KAZN: variants seen among roughly 807,000 people sequenced by gnomAD.
KAZN encodes the protein kazrin, periplakin interacting protein, also known as kazrin.
Under a neutral mutation model 87.4 loss-of-function variants are expected in KAZN, and 40 were observed. The ratio of observed to expected loss-of-function variants is 0.46; its 90% CI spans 0.36 to 0.60. KAZN has a LOEUF of 0.60. Among genes scored for constraint, KAZN ranks in the 20% least tolerant of loss-of-function variants. The pLI, the probability that KAZN is intolerant of heterozygous loss-of-function variation, is 0.00. For synonymous variants in KAZN, 466 were observed against 458.3 expected (o/e 1.02, Z -0.22); for missense variants, 898 against 1,073.9 (o/e 0.84, Z 2.29).
At chr1:14,377,753 G>A (rs1661031139) in intron 2 of KAZN, among the ~76,000 whole-genome samples, 1 of 152,178 alleles carries the variant, frequency 6.6e-6, no homozygotes, top group Admixed American at 6.5e-5. Flanking sequence ...ATATAGTGAT[G>A]ACCTACCTTG....
intron 2 of KAZN, among the ~76,000 whole-genome samples, chr1:14,377,766 T>C (rs1661032720): frequency 6.6e-6 from 1 of 152,222 alleles, no homozygotes; most frequent in Non-Finnish European, 1.5e-5. Context: ...CTACCTTGTT[T>C]GGTTCAAGTC....
chr1:14,241,267 A>G (rs531466326), intron 2 of KAZN, among the ~76,000 whole-genome samples: 1 of 152,348 alleles, frequency 6.6e-6, no homozygotes, highest in Non-Finnish European at 1.5e-5. Flanking sequence ...ACTAGAACCC[A>G]GGACTCTGGA....
At chr1:13,910,706 A>G in intron 1 of KAZN, among the ~76,000 whole-genome samples, 1 of 152,034 alleles carries the variant, frequency 6.6e-6, no homozygotes, top group East Asian at 1.9e-4. Flanking sequence ...TAAATTACCC[A>G]TTCCCAGGTT....
intron 2 of KAZN, among the ~76,000 whole-genome samples, chr1:14,587,060 G>A (rs1675895667): frequency 6.6e-6 from 1 of 152,198 alleles, no homozygotes. Context: ...CCCTGAAGCA[G>A]AAGATTAATA....
At chr1:14,148,255 T>G (rs1645396193) in intron 1 of KAZN, among the ~76,000 whole-genome samples, 1 of 151,958 alleles carries the variant, frequency 6.6e-6, no homozygotes, top group Non-Finnish European at 1.5e-5. Context: ...AATAGAAACT[T>G]TAATTATTCT....
In KAZN at chr1:14,915,080, G is replaced by A. The variant is rs537862928; in HGVS notation, c.227-45604G>A. Among the ~76,000 whole-genome samples, 33 of 152,212 alleles carry A rather than the reference G, an allele frequency of 2.2e-4. No individual in the cohort carries two copies. In the East Asian group the frequency reaches 3.3e-3, roughly 15 times the overall value. On this transcript the variant is annotated intron_variant, in intron 1 of 14. Transcript: ENST00000376030. ...TGCATGCCTGTAATCCCAGCTACTC[G>A]GGAGGCTGAGGCAGGAGAATTGCTT...
chr1:15,059,195 C>T lies in KAZN; in HGVS notation c.917-977C>T, dbSNP rs184108903. 1.2e-4 allele frequency among the ~76,000 whole-genome samples: 18 copies of T among 151,932 alleles called. No individual in the cohort carries two copies. In the East Asian group the frequency reaches 3.5e-3, roughly 30 times the overall value. On this transcript the variant is annotated intron_variant, in intron 5 of 14. Coordinates refer to ENST00000376030, the MANE Select transcript of KAZN (RefSeq NM_201628.3). ...CAAGCAGTCCTCCCTCTTCCGCCTCCCGAAGTGCTGAGACTACAGGCATGA... is the reference window on the plus strand; with the variant it reads ...CAAGCAGTCCTCCCTCTTCCGCCTCTCGAAGTGCTGAGACTACAGGCATGA...
chr1:14,483,821 T>A (rs74341976), intron 2 of KAZN, among the ~76,000 whole-genome samples: 4,517 of 152,274 alleles, frequency 0.03, 170 homozygotes, highest in East Asian at 0.14. Context: ...GGGTCATAGA[T>A]CAAAAAATCA....
At chr1:14,971,457 C>G (rs963466192) in intron 2 of KAZN, among the ~76,000 whole-genome samples, 3 of 152,040 alleles carry the variant, frequency 2.0e-5, no homozygotes, top group Admixed American at 2.0e-4. Flanking sequence ...GGTTTTGGAG[C>G]CAAAGCTTGA....
At chr1:14,408,519 G>A (rs553541532) in intron 2 of KAZN, among the ~76,000 whole-genome samples, 87 of 112,948 alleles carry the variant, frequency 7.7e-4, no homozygotes, top group African/African-American at 3.1e-3. Context: ...GGAAGTTTGA[G>A]ATCAGGGAGC....
At chr1:14,714,265 C>T (rs982214265) in intron 1 of KAZN, among the ~76,000 whole-genome samples, 6 of 152,178 alleles carry the variant, frequency 3.9e-5, no homozygotes, top group African/African-American at 1.4e-4. Context: ...AATCCCTTCT[C>T]AAGAGGCATC....
At chr1:14,690,577 T>C (rs1464560840) in intron 1 of KAZN, among the ~76,000 whole-genome samples, 4 of 107,044 alleles carry the variant, frequency 3.7e-5, no homozygotes, top group African/African-American at 1.4e-4. Context: ...TCCAGTTCTA[T>C]TAAGTCAAAG....
intron 2 of KAZN, among the ~76,000 whole-genome samples, chr1:14,502,997 G>A (rs946720737): frequency 2.6e-5 from 4 of 152,042 alleles, no homozygotes; most frequent in Admixed American, 2.6e-4. Context: ...TCTGCTTTCA[G>A]AATACCTAAA....
chr1:14,107,230 C>T (rs971801399), intron 1 of KAZN, among the ~76,000 whole-genome samples: 1 of 151,670 alleles, frequency 6.6e-6, no homozygotes, highest in South Asian at 2.1e-4. Flanking sequence ...GAGCCTTTCT[C>T]CGGGCAGTGA....
At chr1:14,993,069 T>C (rs915262296) in intron 2 of KAZN, among the ~76,000 whole-genome samples, 2 of 150,278 alleles carry the variant, frequency 1.3e-5, no homozygotes, top group Non-Finnish European at 3.0e-5. Context: ...TCAAGCAATT[T>C]GCCCACCTCG....
At chr1:14,858,203 C>CTTTTTTTTTTTTTTTTTTTTTTT (rs1388659468) in intron 1 of KAZN, among the ~76,000 whole-genome samples, 38 of 95,100 alleles carry the variant, frequency 4.0e-4, no homozygotes, top group African/African-American at 1.9e-3. Flanking sequence ...TTTCTTTTTT[C>CTTTTTTTTTTTTTTTTTTTTTTT]TTTTTCTTTT....
At chr1:14,375,199 T>TTTA (rs1452572563) in intron 2 of KAZN, among the ~76,000 whole-genome samples, 1 of 152,184 alleles carries the variant, frequency 6.6e-6, no homozygotes, top group African/African-American at 2.4e-5. Flanking sequence ...CACACTGTCT[T>TTTA]TTATTAGTCA....
intron 1 of KAZN, among the ~76,000 whole-genome samples, chr1:14,849,941 T>C (rs1649242613): frequency 6.6e-6 from 1 of 150,884 alleles, no homozygotes; most frequent in Non-Finnish European, 1.5e-5. Context: ...ACCCCCCCTT[T>C]TTTTTTTTTT....
intron 1 of KAZN, among the ~76,000 whole-genome samples, chr1:14,839,917 A>G (rs571054138): frequency 6.6e-6 from 1 of 152,232 alleles, no homozygotes; most frequent in South Asian, 2.1e-4. Flanking sequence ...TCTGGGTTGC[A>G]ATAATTCTGG....
Sources: allele counts gnomAD v4.1 joint callset (sites outside exome capture counted in the v4.1 genomes callset), GRCh38; gene constraint gnomAD v4.1.1; transcripts MANE v1.5; gene names NCBI Gene and HGNC (gene_info 2026-07-23, HGNC 2026-07-21).